Variants in ESRRG observed in about 807,000 individuals in gnomAD.
The protein encoded by ESRRG is estrogen related receptor gamma.
A neutral mutation model predicts 44.0 loss-of-function variants in ESRRG; 13 were observed. The ratio of observed to expected loss-of-function variants is 0.30; its 90% CI spans 0.19 to 0.47. ESRRG has a LOEUF of 0.47. ESRRG is among the 20% of genes least tolerant of loss of function. The probability of loss-of-function intolerance (pLI) is 1.00; values close to 1 mark genes in which losing one functional copy is unlikely to be tolerated. For missense variants in ESRRG, 395 were observed against 580.6 expected (o/e 0.68, Z 3.29); for synonymous variants, 215 against 214.6 (o/e 1.00, Z -0.02).
chr1:216,710,504 C>A (rs1244448285), intron 1 of ESRRG, among the ~76,000 whole-genome samples: 3 of 152,146 alleles, frequency 2.0e-5, no homozygotes. Context: ...TATTTACATT[C>A]CTGAGCTTTT....
At chr1:216,610,573 C>A (rs556450864) in intron 3 of ESRRG, among the ~76,000 whole-genome samples, 1 of 152,034 alleles carries the variant, frequency 6.6e-6, no homozygotes. Context: ...ATTCCTCTCC[C>A]CTAGCTCTGC....
At chr1:217,130,712 T>C (rs1456811608) in intron 1 of ESRRG, among the ~76,000 whole-genome samples, 1 of 152,234 alleles carries the variant, frequency 6.6e-6, no homozygotes, top group East Asian at 1.9e-4. Context: ...AAAAGGGGGA[T>C]ATAATTTTTC....
At chr1:216,632,055 T>C (rs2150715520) in intron 3 of ESRRG, among the ~76,000 whole-genome samples, 1 of 152,354 alleles carries the variant, frequency 6.6e-6, no homozygotes, top group African/African-American at 2.4e-5. Flanking sequence ...GCCTACTTTA[T>C]CTAAAACTCT....
At chr1:217,103,236 A>G (rs2092543541) in intron 1 of ESRRG, among the ~76,000 whole-genome samples, 1 of 152,102 alleles carries the variant, frequency 6.6e-6, no homozygotes, top group South Asian at 2.1e-4. Flanking sequence ...CCGTCAGTCA[A>G]CCTTGGTACT....
At chr1:216,759,392 C>T (rs2092644126) in intron 2 of ESRRG, among the ~76,000 whole-genome samples, 1 of 152,120 alleles carries the variant, frequency 6.6e-6, no homozygotes, top group African/African-American at 2.4e-5. Flanking sequence ...GTTCCAGCTA[C>T]AGCCCTGTGT....
chr1:216,679,837 C>T (rs12754372), intron 1 of ESRRG, among the ~76,000 whole-genome samples: 29,642 of 151,828 alleles, frequency 0.2, 3,270 homozygotes, highest in Admixed American at 0.33. Flanking sequence ...AAATTGCCCT[C>T]CCATTTATGG....
At chr1:216,822,471 AC>A (rs1338450291) in intron 2 of ESRRG, among the ~76,000 whole-genome samples, 1 of 152,210 alleles carries the variant, frequency 6.6e-6, no homozygotes, top group Non-Finnish European at 1.5e-5. Flanking sequence ...GTACTTCTTA[AC>A]AAAAATGCTC....
At chr1:216,738,486 TAAAC>T (rs1458103964) in intron 2 of ESRRG, among the ~76,000 whole-genome samples, 2 of 152,228 alleles carry the variant, frequency 1.3e-5, no homozygotes, top group Non-Finnish European at 2.9e-5. Context: ...GTGAAATGGT[TAAAC>T]AAAATCTGTG....
intron 2 of ESRRG, among the ~76,000 whole-genome samples, chr1:216,744,744 T>C (rs759955111): frequency 7.2e-5 from 11 of 152,364 alleles, no homozygotes; most frequent in Admixed American, 3.9e-4. Context: ...ATCTTCCATC[T>C]GTTCTTCTAG....
chr1:216,998,565 A>T (rs11572443), intron 1 of ESRRG, among the ~76,000 whole-genome samples: 25,592 of 152,176 alleles, frequency 0.17, 2,875 homozygotes, highest in Admixed American at 0.29. Flanking sequence ...TCATTTAATT[A>T]TCCCTACATA....
At chr1:216,879,735 T>C (rs529327621) in intron 2 of ESRRG, among the ~76,000 whole-genome samples, 9 of 152,286 alleles carry the variant, frequency 5.9e-5, no homozygotes, top group African/African-American at 2.2e-4. Flanking sequence ...AATATCATCC[T>C]CCCTCTAGAG....
chr1:216,573,892 CAAT>C (rs760746855), intron 3 of ESRRG, among the ~76,000 whole-genome samples: 1 of 151,882 alleles, frequency 6.6e-6, no homozygotes, highest in Non-Finnish European at 1.5e-5. Flanking sequence ...CAGAAACAAA[CAAT>C]AATAATATTT....
At chr1:217,120,273 T>TATTTC (rs140537236) in intron 1 of ESRRG, among the ~76,000 whole-genome samples, 5,998 of 151,182 alleles carry the variant, frequency 0.04, 158 homozygotes, top group African/African-American at 0.071. Context: ...TATTTTATTT[T>TATTTC]ATTTCATTTC....
intron 2 of ESRRG, among the ~76,000 whole-genome samples, chr1:216,917,722 C>T (rs1044271814): frequency 2.0e-5 from 3 of 152,236 alleles, no homozygotes; most frequent in South Asian, 2.1e-4. Context: ...GTTTGTTGAA[C>T]GATTATGTGA....
chr1:216,713,052 C>T (rs1361834546), intron 1 of ESRRG, among the ~76,000 whole-genome samples: 2 of 152,076 alleles, frequency 1.3e-5, no homozygotes, highest in African/African-American at 2.4e-5. Context: ...TGGTGCCTTG[C>T]TTAATCGAAT....
At chr1:216,618,289 C>T (rs745940171) in intron 3 of ESRRG, among the ~76,000 whole-genome samples, 17 of 152,170 alleles carry the variant, frequency 1.1e-4, no homozygotes, top group Non-Finnish European at 1.8e-4. Context: ...AATAGTGGGG[C>T]GAGTTGCACT....
intron 1 of ESRRG, among the ~76,000 whole-genome samples, chr1:217,064,064 C>T (rs1416525): frequency 0.71 from 96,278 of 136,038 alleles, 31,408 homozygotes; most frequent in East Asian, 0.9. Context: ...ACCCTATATA[C>T]ATATATATTT....
intron 1 of ESRRG, among the ~76,000 whole-genome samples, chr1:217,044,399 T>C (rs897585629): frequency 5.9e-5 from 9 of 152,194 alleles, no homozygotes; most frequent in African/African-American, 2.2e-4. Flanking sequence ...AAAAGATTCA[T>C]GTAATGACAA....
intron 2 of ESRRG, among the ~76,000 whole-genome samples, chr1:216,843,290 T>G (rs2095684111): frequency 6.6e-6 from 1 of 152,028 alleles, no homozygotes; most frequent in Non-Finnish European, 1.5e-5. Context: ...AGTTTCAAGA[T>G]TGTGATTTTA....
Sources: gnomAD v4.1 joint callset for allele counts (sites outside exome capture counted in the v4.1 genomes callset) on GRCh38, gnomAD v4.1.1 for gene constraint, MANE v1.5 for transcripts, NCBI Gene and HGNC (gene_info 2026-07-23, HGNC 2026-07-21) for gene names.